Variants in CAB39 observed in about 807,000 individuals in gnomAD.
CAB39 encodes the protein calcium binding protein 39, also known as calcium-binding protein 39.
A neutral mutation model predicts 40.0 loss-of-function variants in CAB39; 8 were observed. That is an observed-to-expected ratio of 0.20 (90% CI 0.12 to 0.36). The LOEUF (loss-of-function observed/expected upper bound fraction) is 0.36. Among genes scored for constraint, CAB39 ranks in the 10% least tolerant of loss-of-function variants. The pLI, the probability that CAB39 is intolerant of heterozygous loss-of-function variation, is 1.00. For synonymous variants in CAB39, 156 were observed against 141.6 expected (o/e 1.10, Z -0.72); for missense variants, 270 against 401.1 (o/e 0.67, Z 2.79).
intron 6 of CAB39, among the ~76,000 whole-genome samples, chr2:230,811,086 G>A (rs1464919587): frequency 2.0e-5 from 3 of 152,150 alleles, no homozygotes; most frequent in East Asian, 1.9e-4. Context: ...ACACATCGTC[G>A]AAGATTCTGA....
chr2:230,764,699 A>C (rs73995141), intron 2 of CAB39, among the ~76,000 whole-genome samples: 6,116 of 152,300 alleles, frequency 0.04, 425 homozygotes, highest in African/African-American at 0.14. Context: ...TTTTCCTTGA[A>C]GTGACAGGTT....
intron 1 of CAB39, among the ~76,000 whole-genome samples, chr2:230,754,798 C>T (rs1695161095): frequency 6.6e-6 from 1 of 152,214 alleles, no homozygotes; most frequent in Non-Finnish European, 1.5e-5. Context: ...GGATTACAGG[C>T]ATGAGCCACT....
chr2:230,752,026 A>ACCCC (rs1343450270), intron 1 of CAB39: 1 of 36,266 alleles, frequency 2.8e-5, no homozygotes, highest in African/African-American at 1.3e-4. Flanking sequence ...TCATATTCTG[A>ACCCC]CCACCCCCCC....
intron 1 of CAB39, among the ~76,000 whole-genome samples, chr2:230,741,558 C>G (rs747563198): frequency 6.6e-6 from 1 of 152,140 alleles, no homozygotes; most frequent in Non-Finnish European, 1.5e-5. Flanking sequence ...CTAGGCTGGT[C>G]TCTAATTCCT....
intron 6 of CAB39, among the ~76,000 whole-genome samples, chr2:230,810,744 C>A (rs1696289901): frequency 6.6e-6 from 1 of 152,234 alleles, no homozygotes; most frequent in African/African-American, 2.4e-5. Context: ...TCTGCTCCTG[C>A]TCTACTGCTC....
chr2:230,787,667 A>G (rs983959652), intron 2 of CAB39, among the ~76,000 whole-genome samples: 6 of 152,208 alleles, frequency 3.9e-5, no homozygotes, highest in Non-Finnish European at 7.3e-5. Flanking sequence ...GGGCTGCACT[A>G]ACATTTGTAA....
rs759314442 is a variant in CAB39, at chr2:230,748,813, G to GAAA, written c.-43-11129_-43-11127dup. Among the ~76,000 whole-genome samples, 201 of 31,746 alleles carry GAAA rather than the reference G, an allele frequency of 6.3e-3. 14 individuals are homozygous for GAAA. The highest frequency in any genetic ancestry group is 8.7e-3 in the Non-Finnish European group (149 of 17,090). 20.8% of individuals were successfully genotyped at this position (31,746 alleles called of 152,430 possible). A position where few individuals can be genotyped will look rare whatever the true frequency, so the allele number is the denominator to read the frequency against. On this transcript the variant is annotated intron_variant, in intron 1 of 8. Transcript: ENST00000258418. ...TAGAGTGAGATTCTATTTCCAAAAA[G>GAAA]AAAAAAAAAAAAAAAAAAATATATA...
chr2:230,755,225 A>G (rs74514921), intron 1 of CAB39, among the ~76,000 whole-genome samples: 10 of 152,200 alleles, frequency 6.6e-5, no homozygotes, highest in African/African-American at 1.7e-4. Context: ...ATTGTTTTCC[A>G]TAGTGGCTGT....
At chr2:230,754,384 C>G (rs1445137279) in intron 1 of CAB39, among the ~76,000 whole-genome samples, 1 of 143,164 alleles carries the variant, frequency 7.0e-6, no homozygotes. Context: ...CCTTCCTCTT[C>G]CCCTCCTTCT....
intron 2 of CAB39, among the ~76,000 whole-genome samples, chr2:230,773,083 A>G (rs1206037030): frequency 1.3e-5 from 2 of 152,088 alleles, no homozygotes; most frequent in Admixed American, 6.6e-5. Flanking sequence ...AAGAGCACAT[A>G]GTATATGATT....
intron 2 of CAB39, among the ~76,000 whole-genome samples, chr2:230,780,241 G>A (rs2124943164): frequency 6.6e-6 from 1 of 152,276 alleles, no homozygotes; most frequent in Non-Finnish European, 1.5e-5. Flanking sequence ...AAAGATTATT[G>A]ATGAACTTAT....
chr2:230,734,713 A>C (rs1339203929), intron 1 of CAB39, among the ~76,000 whole-genome samples: 4 of 152,168 alleles, frequency 2.6e-5, no homozygotes, highest in African/African-American at 9.7e-5. Context: ...TCTTAAATGT[A>C]GGCCCTGCTT....
chr2:230,778,905 A>G (rs1695641154), intron 2 of CAB39: 1 of 152,106 alleles, frequency 6.6e-6, no homozygotes, highest in Non-Finnish European at 1.5e-5. Context: ...ATGGTATTGT[A>G]TCTGTGGGAC....
At chr2:230,763,965 T>C (rs911254847) in intron 2 of CAB39, among the ~76,000 whole-genome samples, 5 of 151,900 alleles carry the variant, frequency 3.3e-5, no homozygotes, top group Non-Finnish European at 7.4e-5. Flanking sequence ...CTACTAAAAA[T>C]ACAAAAATTA....
intron 2 of CAB39, among the ~76,000 whole-genome samples, chr2:230,769,664 A>G (rs1010068689): frequency 6.6e-6 from 1 of 152,172 alleles, no homozygotes; most frequent in African/African-American, 2.4e-5. Flanking sequence ...TAGATAACTC[A>G]TGGATCAAAG....
intron 1 of CAB39, among the ~76,000 whole-genome samples, chr2:230,756,240 C>G (rs1695187593): frequency 6.6e-6 from 1 of 152,166 alleles, no homozygotes; most frequent in Non-Finnish European, 1.5e-5. Context: ...CTTACACAAA[C>G]CTAGATAGTA....
chr2:230,741,960 T>C (rs1694885186), intron 1 of CAB39, among the ~76,000 whole-genome samples: 1 of 152,182 alleles, frequency 6.6e-6, no homozygotes, highest in Non-Finnish European at 1.5e-5. Context: ...TTTCTCAAAC[T>C]GGATAGTAGT....
At chr2:230,790,774 G>C (rs1286951439) in intron 2 of CAB39, 98 bp from the exon 3 acceptor site, 1 of 1,006,368 alleles carries the variant, frequency 9.9e-7, no homozygotes, top group Non-Finnish European at 1.5e-6. Flanking sequence ...CCATGGGTCT[G>C]TAATATAGAG....
chr2:230,783,442 A>AGTTTTGTTTT (rs57684093), intron 2 of CAB39, among the ~76,000 whole-genome samples: 51,455 of 148,774 alleles, frequency 0.35, 10,105 homozygotes, highest in Non-Finnish European at 0.44. Flanking sequence ...GTTCTTGTCT[A>AGTTTTGTTTT]GTTTTGTTTT....
Sources: gnomAD v4.1 joint callset for allele counts (sites outside exome capture counted in the v4.1 genomes callset) on GRCh38, gnomAD v4.1.1 for gene constraint, MANE v1.5 for transcripts, NCBI Gene and HGNC (gene_info 2026-07-23, HGNC 2026-07-21) for gene names.